The following MAPK10 variants were observed in gnomAD, a reference collection of about 807,000 sequenced individuals.
MAPK10 encodes the protein JNK3 alpha protein kinase.
A neutral mutation model predicts 59.3 loss-of-function variants in MAPK10; 25 were observed. That is an observed-to-expected ratio of 0.42 (90% CI 0.31 to 0.59). The LOEUF is 0.59. Among genes scored for constraint, MAPK10 ranks in the 20% least tolerant of loss-of-function variants. The probability of loss-of-function intolerance (pLI) is 0.15; values close to 1 mark genes in which losing one functional copy is unlikely to be tolerated. For missense variants in MAPK10, 351 were observed against 568.9 expected, an observed-to-expected ratio of 0.62 and a Z score of 3.90; for synonymous variants, 190 against 200.5, an observed-to-expected ratio of 0.95 and a Z score of 0.44.
chr4:86,148,559 C>A (rs1391533709), intron 4 of MAPK10, among the ~76,000 whole-genome samples: 1 of 152,014 alleles, frequency 6.6e-6, no homozygotes, highest in Non-Finnish European at 1.5e-5. Context: ...TGATGAAGAC[C>A]TGGAAAAGGC....
intron 3 of MAPK10, among the ~76,000 whole-genome samples, chr4:86,181,783 T>G (rs941152916): frequency 1.7e-4 from 26 of 152,074 alleles, no homozygotes; most frequent in Non-Finnish European, 7.4e-5. Flanking sequence ...AACTTAGTAG[T>G]AATGCACAAA....
At chr4:86,513,077 T>C (rs1216298068) in intron 1 of MAPK10, among the ~76,000 whole-genome samples, 2 of 151,374 alleles carry the variant, frequency 1.3e-5, no homozygotes. Context: ...TTTTCTTTTC[T>C]TTTTTTTTAG....
At chr4:86,531,917 G>A (rs1346098057) in intron 1 of MAPK10, among the ~76,000 whole-genome samples, 1 of 151,964 alleles carries the variant, frequency 6.6e-6, no homozygotes, top group South Asian at 2.1e-4. Context: ...CACTGGGCAC[G>A]ATGGTTTGCA....
chr4:86,583,921 G>A (rs1391329770), intron 1 of MAPK10, among the ~76,000 whole-genome samples: 1 of 152,104 alleles, frequency 6.6e-6, no homozygotes, highest in African/African-American at 2.4e-5. Flanking sequence ...GCTATTTGCT[G>A]AAAGAAAGGG....
chr4:86,449,479 A>G (rs888271978), intron 1 of MAPK10, among the ~76,000 whole-genome samples: 1 of 152,192 alleles, frequency 6.6e-6, no homozygotes. Context: ...TCATATTTCA[A>G]TTTACCATAG....
upstream of MAPK10, among the ~76,000 whole-genome samples, chr4:86,454,863 C>T (rs1410819881): frequency 6.6e-6 from 1 of 151,918 alleles, no homozygotes; most frequent in Non-Finnish European, 1.5e-5. Flanking sequence ...GAAAAAAAAT[C>T]TTAAGAGATG....
chr4:86,043,117 C>A (rs2041892695), intron 11 of MAPK10, among the ~76,000 whole-genome samples: 1 of 152,040 alleles, frequency 6.6e-6, no homozygotes, highest in African/African-American at 2.4e-5. Context: ...GAACTCAGGC[C>A]AGCTCTATGG....
chr4:86,291,620 A>C (rs2095230603), intron 2 of MAPK10, among the ~76,000 whole-genome samples: 1 of 152,214 alleles, frequency 6.6e-6, no homozygotes, highest in Non-Finnish European at 1.5e-5. Flanking sequence ...TGATGAAAAA[A>C]TGTAGATTTA....
At chr4:86,223,532 G>A (rs1300046059) in intron 2 of MAPK10, among the ~76,000 whole-genome samples, 1 of 152,118 alleles carries the variant, frequency 6.6e-6, no homozygotes, top group African/African-American at 2.4e-5. Context: ...ATTATGCTTT[G>A]GGTCATGAAA....
At chr4:86,023,094 A>C (rs538809650) in intron 13 of MAPK10, among the ~76,000 whole-genome samples, 3 of 152,230 alleles carry the variant, frequency 2.0e-5, no homozygotes, top group African/African-American at 7.2e-5. Context: ...TAAGTCTATG[A>C]TTCATTTTTA....
intron 1 of MAPK10, among the ~76,000 whole-genome samples, chr4:86,548,934 G>A (rs957739401): frequency 2.6e-5 from 4 of 152,010 alleles, no homozygotes; most frequent in African/African-American, 9.7e-5. Context: ...TGTAAGGCCC[G>A]ACTAAATATA....
chr4:86,530,872 A>G (rs1757800278), intron 1 of MAPK10, among the ~76,000 whole-genome samples: 1 of 152,188 alleles, frequency 6.6e-6, no homozygotes, highest in African/African-American at 2.4e-5. Context: ...CTTCATATAA[A>G]CAGAAATGTC....
At chr4:86,027,146 G>A (rs535943411) in intron 13 of MAPK10, 3 of 152,200 alleles carry the variant, frequency 2.0e-5, no homozygotes, top group South Asian at 2.1e-4. Flanking sequence ...GATTTCTCAC[G>A]AAAGAGAAAG....
Position 86,053,274 on chromosome 4 carries a change from C to T in MAPK10, c.1110+10992G>A, listed in dbSNP as rs573785563. On this transcript the variant is annotated intron_variant, in intron 11 of 13. Transcript: ENST00000641462. ...ATATCATTTTCTTTATTGATAAATG[C>T]TCTTTACTGAAAACACAATGATATG... Among the ~76,000 whole-genome samples the T allele has an allele frequency of 1.2e-4, 19 of 152,234 alleles. No individual in the cohort carries two copies. The South Asian group carries it at 3.9e-3, about 32-fold the overall frequency.
intron 2 of MAPK10, among the ~76,000 whole-genome samples, chr4:86,242,052 G>T (rs929058444): frequency 4.6e-5 from 7 of 151,986 alleles, no homozygotes; most frequent in Admixed American, 3.9e-4. Context: ...GGTGGTGGTG[G>T]TGTTGTTATT....
At chr4:86,327,435 T>A (rs1455313074) in intron 2 of MAPK10, 1 of 152,052 alleles carries the variant, frequency 6.6e-6, no homozygotes, top group Admixed American at 6.6e-5. Context: ...AAATATGAAT[T>A]TTTTCTTCAG....
chr4:86,091,680 T>A (rs1323534056), intron 9 of MAPK10, among the ~76,000 whole-genome samples: 1 of 151,800 alleles, frequency 6.6e-6, no homozygotes, highest in Non-Finnish European at 1.5e-5. Flanking sequence ...GTTGTTAATT[T>A]TTTTTTTTCT....
At chr4:86,551,964 C>G (rs1041048832) in intron 1 of MAPK10, among the ~76,000 whole-genome samples, 1 of 151,956 alleles carries the variant, frequency 6.6e-6, no homozygotes, top group East Asian at 1.9e-4. Flanking sequence ...ACAGTTTGAA[C>G]CTGAATTTTA....
At chr4:86,450,882 C>A (rs1750618384) in intron 1 of MAPK10, among the ~76,000 whole-genome samples, 1 of 152,184 alleles carries the variant, frequency 6.6e-6, no homozygotes, top group Non-Finnish European at 1.5e-5. Context: ...CAAAAGTATT[C>A]TTTCCATTAA....
Sources: gnomAD v4.1 joint callset for allele counts (sites outside exome capture counted in the v4.1 genomes callset) on GRCh38, gnomAD v4.1.1 for gene constraint, MANE v1.5 for transcripts, NCBI Gene and HGNC (gene_info 2026-07-23, HGNC 2026-07-21) for gene names.